GMDS: variants seen among roughly 807,000 people sequenced by gnomAD.
GMDS encodes GDP-mannose 4,6 dehydratase.
A neutral mutation model predicts 49.9 loss-of-function variants in GMDS; 20 were observed. The ratio of observed to expected loss-of-function variants is 0.40; its 90% CI spans 0.28 to 0.58. The LOEUF is 0.58. GMDS is among the 20% of genes least tolerant of loss of function. GMDS has a pLI of 0.42. For synonymous variants in GMDS, 177 were observed against 178.6 expected, an observed-to-expected ratio of 0.99 and a Z score of 0.07; for missense variants, 362 against 481.4, an observed-to-expected ratio of 0.75 and a Z score of 2.32.
chr6:2,089,007 G>A (rs1335667299), intron 4 of GMDS, among the ~76,000 whole-genome samples: 1 of 152,158 alleles, frequency 6.6e-6, no homozygotes, highest in African/African-American at 2.4e-5. Flanking sequence ...TTATTGGGCA[G>A]CTATTATGTG....
intron 6 of GMDS, among the ~76,000 whole-genome samples, chr6:1,935,768 T>C (rs969162774): frequency 1.1e-4 from 17 of 152,224 alleles, no homozygotes; most frequent in Non-Finnish European, 2.4e-4. Context: ...ATTGAGATAA[T>C]GAGTTTTGCC....
chr6:1,624,579 G>T (rs928877115), intron 9 of GMDS, 39 bp from the exon 10 acceptor site: 4 of 1,417,580 alleles, frequency 2.8e-6, no homozygotes, highest in African/African-American at 2.8e-5. Flanking sequence ...GGCGTGGGTC[G>T]TGGGGGTGGG....
intron 1 of GMDS, among the ~76,000 whole-genome samples, chr6:2,192,418 G>A (rs1422229164): frequency 6.6e-6 from 1 of 152,168 alleles, no homozygotes; most frequent in Non-Finnish European, 1.5e-5. Flanking sequence ...CCACTAAATG[G>A]CAAGGCTAAA....
chr6:1,824,699 C>A (rs762051109), intron 7 of GMDS, among the ~76,000 whole-genome samples: 8 of 152,146 alleles, frequency 5.3e-5, no homozygotes, highest in Non-Finnish European at 8.8e-5. Context: ...CACCTAGGGC[C>A]TCCTTTTAAA....
At chr6:2,114,684 C>A (rs896170504) in intron 4 of GMDS, among the ~76,000 whole-genome samples, 1 of 152,148 alleles carries the variant, frequency 6.6e-6, no homozygotes, top group South Asian at 2.1e-4. Flanking sequence ...ATGTAGCCAT[C>A]CTTCAAGGTT....
intron 7 of GMDS, among the ~76,000 whole-genome samples, chr6:1,926,611 C>T (rs1043936273): frequency 6.6e-6 from 1 of 152,162 alleles, no homozygotes; most frequent in African/African-American, 2.4e-5. Flanking sequence ...CAAACAATAC[C>T]TCTCCTTTTT....
chr6:1,986,597 C>G (rs9503061), intron 4 of GMDS, among the ~76,000 whole-genome samples: 1 of 152,020 alleles, frequency 6.6e-6, no homozygotes, highest in South Asian at 2.1e-4. Flanking sequence ...TCTGTGAAGG[C>G]AGACTTTACA....
intron 8 of GMDS, among the ~76,000 whole-genome samples, chr6:1,728,836 T>A (rs1766685093): frequency 6.6e-6 from 1 of 152,170 alleles, no homozygotes; most frequent in Non-Finnish European, 1.5e-5. Context: ...CTTTCTCCTC[T>A]TTCTTTTTCT....
chr6:2,059,161 G>C (rs1209144990), intron 4 of GMDS, among the ~76,000 whole-genome samples: 37 of 103,944 alleles, frequency 3.6e-4, no homozygotes, highest in Admixed American at 1.0e-3. Flanking sequence ...GGGCGACAGA[G>C]TGATCCTCTG....
chr6:2,069,686 A>C (rs1202407257), intron 4 of GMDS, among the ~76,000 whole-genome samples: 1 of 152,244 alleles, frequency 6.6e-6, no homozygotes, highest in Non-Finnish European at 1.5e-5. Flanking sequence ...ATCACTGGCC[A>C]TCAGAGAAAT....
chr6:1,688,064 C>T (rs947459645), intron 9 of GMDS, among the ~76,000 whole-genome samples: 1 of 152,134 alleles, frequency 6.6e-6, no homozygotes, highest in Non-Finnish European at 1.5e-5. Context: ...AAATCCACAG[C>T]AGAGAGGATG....
intron 1 of GMDS, among the ~76,000 whole-genome samples, chr6:2,214,625 T>C (rs937756837): frequency 2.6e-5 from 4 of 152,204 alleles, no homozygotes; most frequent in African/African-American, 9.6e-5. Flanking sequence ...CTGGAATCTA[T>C]CCTTCATGGA....
chr6:1,841,573 C>G (rs1052892973), intron 7 of GMDS, among the ~76,000 whole-genome samples: 13 of 152,100 alleles, frequency 8.5e-5, no homozygotes, highest in Non-Finnish European at 1.6e-4. Context: ...TAAAAGATTT[C>G]CAAAGATTAG....
intron 9 of GMDS, among the ~76,000 whole-genome samples, chr6:1,628,896 A>T (rs1457399384): frequency 6.6e-6 from 1 of 152,220 alleles, no homozygotes; most frequent in East Asian, 1.9e-4. Context: ...AAAATTGAGG[A>T]ATAGCTCAGG....
At chr6:2,003,827 T>C (rs988179568) in intron 4 of GMDS, among the ~76,000 whole-genome samples, 2 of 152,174 alleles carry the variant, frequency 1.3e-5, no homozygotes, top group Non-Finnish European at 2.9e-5. Context: ...AAGTTACTAC[T>C]GCACCAAACT....
chr6:1,764,515 G>A (rs1455158845), intron 7 of GMDS, among the ~76,000 whole-genome samples: 1 of 152,148 alleles, frequency 6.6e-6, no homozygotes, highest in East Asian at 1.9e-4. Context: ...ACAGGTTATA[G>A]GGTTTTAGGT....
chr6:1,781,683 T>A (rs1769092525), intron 7 of GMDS, among the ~76,000 whole-genome samples: 1 of 152,234 alleles, frequency 6.6e-6, no homozygotes, highest in South Asian at 2.1e-4. Flanking sequence ...AACATCCCGC[T>A]GTGAATATCC....
At chr6:1,863,547 C>T (rs1244255745) in intron 7 of GMDS, among the ~76,000 whole-genome samples, 1 of 152,026 alleles carries the variant, frequency 6.6e-6, no homozygotes, top group Non-Finnish European at 1.5e-5. Flanking sequence ...CAGTATCTCT[C>T]AATTTACATG....
chr6:2,048,289 T>C (rs12211261), intron 4 of GMDS, among the ~76,000 whole-genome samples: 3,177 of 152,364 alleles, frequency 0.021, 49 homozygotes, highest in Non-Finnish European at 0.035. Context: ...AGAAATGTTA[T>C]AGATGGTATA....
Sources: allele counts gnomAD v4.1 joint callset (sites outside exome capture counted in the v4.1 genomes callset), GRCh38; gene constraint gnomAD v4.1.1; transcripts MANE v1.5; gene names NCBI Gene and HGNC (gene_info 2026-07-23, HGNC 2026-07-21).